DENND6B: variants seen among roughly 807,000 people sequenced by gnomAD.
The protein encoded by DENND6B is DENN domain containing 6B, also known as protein DENND6B.
A neutral mutation model predicts 85.1 loss-of-function variants in DENND6B; 73 were observed. The observed-to-expected ratio is 0.86, with a 90% CI of 0.71 to 1.04. The LOEUF (loss-of-function observed/expected upper bound fraction) is 1.04, where lower values mean the gene tolerates loss of function less well. Among genes scored for constraint, DENND6B ranks in the 50% least tolerant of loss-of-function variants. The pLI, the probability that DENND6B is intolerant of heterozygous loss-of-function variation, is 0.00. For synonymous variants in DENND6B, 357 were observed against 329.3 expected, an observed-to-expected ratio of 1.08 and a Z score of -0.91; for missense variants, 715 against 785.8, an observed-to-expected ratio of 0.91 and a Z score of 1.08.
At position 50,316,185 on chromosome 22, in the gene DENND6B, C is replaced by G. The variant is rs1485241907; in HGVS notation, c.628G>C (p.Val210Leu). ...GQTLNLPVMG[V>L]VVQVRIPSRV... Reference sequence around the variant, plus strand: ...CAGCTGGCTCTCACCTGGACAACAACGCCCATGACAGGTAGGTTCAGGGTC... The same window carrying G: ...CAGCTGGCTCTCACCTGGACAACAAGGCCCATGACAGGTAGGTTCAGGGTC... The change falls in exon 7 of 20, where the codon GTT becomes CTT. Residue 210 changes from valine to leucine, a missense_variant. Physicochemically the swap from Val to Leu is conservative, Grantham distance 32. Transcript: ENST00000413817. 1.2e-6 allele frequency: 2 copies of G among 1,612,344 alleles called. No homozygotes were observed. Among genetic ancestry groups the G allele is most frequent in the Admixed American group, 3.3e-5 (2 of 60,006 alleles).
chr22:50,316,771 C>T, intron 5 of DENND6B: 1 of 1,334,366 alleles, frequency 7.5e-7, no homozygotes, highest in Non-Finnish European at 9.8e-7. Flanking sequence ...AGGGGCTGAG[C>T]AGCTTTTACT....
At position 50,325,678 on chromosome 22, in the gene DENND6B, G is replaced by A. The variant is rs114777569; in HGVS notation, c.177+1134C>T. Among the ~76,000 whole-genome samples the A allele has an allele frequency of 4.7e-3, 708 of 152,230 alleles. 7 individuals are homozygous for A. The highest frequency in any genetic ancestry group is 0.016 in the African/African-American group (675 of 41,556). On this transcript the variant is annotated intron_variant, in intron 1 of 19. Coordinates refer to ENST00000413817, the MANE Select transcript of DENND6B (RefSeq NM_001001794.4). ...TTTGTGATTTTGTGGGGAACAATCTGGGCAACAGTATTGAACTAAGAAAGG... is the reference window on the plus strand; with the variant it reads ...TTTGTGATTTTGTGGGGAACAATCTAGGCAACAGTATTGAACTAAGAAAGG...
At chr22:50,319,668 G>A (rs951341607) in intron 1 of DENND6B, among the ~76,000 whole-genome samples, 6 of 152,148 alleles carry the variant, frequency 3.9e-5, no homozygotes, top group African/African-American at 7.2e-5. Flanking sequence ...CTCACCACCC[G>A]CCAAGCCAGA....
Position 50,317,634 on chromosome 22 carries a change from C to A in DENND6B, c.373-261G>T, listed in dbSNP as rs1472909132. Among the ~76,000 whole-genome samples the A allele has an allele frequency of 5.3e-5, 8 of 152,122 alleles. No individual in the cohort carries two copies. The East Asian group carries it at 1.5e-3, about 29-fold the overall frequency. On this transcript the variant is annotated intron_variant, in intron 4 of 19. Coordinates refer to ENST00000413817, the MANE Select transcript of DENND6B (RefSeq NM_001001794.4). ...GAGAGGGGCTCGGGGGGCTGGGGGC[C>A]CTGGGAGGGCCCCTGTTCAACTATG...
chr22:50,313,812 A>G lies in DENND6B; in HGVS notation c.1203+2T>C, dbSNP rs768440501. On this transcript the variant is annotated splice_donor_variant, in intron 14 of 19. Coordinates refer to ENST00000413817, the MANE Select transcript of DENND6B (RefSeq NM_001001794.4). LOFTEE classifies it high-confidence loss of function. ...CCAGCCCCTGCCCCACAAACCATAT[A>G]CCTTGAGCAGCCGTTTGAGCAGCGC... 17 of 1,611,052 alleles carry G rather than the reference A, an allele frequency of 1.1e-5. No homozygotes were observed. In the South Asian group the frequency reaches 1.6e-4, roughly 16 times the overall value.
chr22:50,314,900 A>G lies in DENND6B; in HGVS notation c.780T>C (p.Thr260=). 6.2e-7 allele frequency: 1 copy of G among 1,611,888 alleles called. No individual in the cohort carries two copies. The highest frequency in any genetic ancestry group is 2.2e-5 in the East Asian group (1 of 44,864). Residue 260 remains threonine (T), a synonymous_variant, in exon 10 of 20, where the codon ACT becomes ACC. Transcript: ENST00000413817. ...TGAGCTCCCACAGTGTCTGCATATG[A>G]GTCAGCACAGGCCGGAAGCACCTGG... is the stretch of plus-strand genomic sequence containing the variant. ...DLFRCFRPVL[T]HMQTLWELML...
chr22:50,319,129 C>T, intron 1 of DENND6B, 126 bp from the exon 2 acceptor site: 2 of 1,538,228 alleles, frequency 1.3e-6, no homozygotes, highest in East Asian at 2.4e-5. Context: ...CAGGTCAGTG[C>T]CCAAGGTGCT....
At chr22:50,321,653 C>T (rs1197064895) in intron 1 of DENND6B, among the ~76,000 whole-genome samples, 3 of 151,886 alleles carry the variant, frequency 2.0e-5, no homozygotes, top group South Asian at 2.1e-4. Context: ...TGAGCCACGG[C>T]GCCCAGCCCT....
At chr22:50,315,835 C>T (rs1405706140) in intron 8 of DENND6B, 66 bp from the exon 9 acceptor site, 3 of 1,478,660 alleles carry the variant, frequency 2.0e-6, no homozygotes, top group Non-Finnish European at 2.7e-6. Context: ...CCAAGCAGCC[C>T]CTGCCTCACA....
rs751205061 is a variant in DENND6B at position 50,314,504 on chromosome 22, C to G, written c.978-10G>C. The G allele has an allele frequency of 3.9e-6, 6 of 1,556,288 alleles. No homozygotes were observed. Among genetic ancestry groups the G allele is most frequent in the South Asian group, 2.4e-5 (2 of 84,508 alleles). On this transcript the variant is annotated splice_polypyrimidine_tract_variant and intron_variant, in intron 11 of 19. Coordinates refer to ENST00000413817, the MANE Select transcript of DENND6B (RefSeq NM_001001794.4). The stretch of plus-strand genomic sequence containing the variant: ...CAGGACCACGTTTGGTCTAGACAGA[C>G]AGAGAGAGAGAAGAGGCAGAGACAG...
Position 50,313,038 on chromosome 22 carries a change from A to G in DENND6B, c.1418T>C (p.Leu473Pro), listed in dbSNP as rs1467900208. The change falls in exon 17 of 20, where the codon CTC becomes CCC. Residue 473 changes from leucine to proline, a missense_variant. Coordinates refer to ENST00000413817, the MANE Select transcript of DENND6B (RefSeq NM_001001794.4). ...LRSLEHAGPQLTCILKGDWLG... is the reference protein window; with the variant it reads ...LRSLEHAGPQPTCILKGDWLG... The stretch of plus-strand genomic sequence containing the variant: ...CCAGTCGCCCTTGAGGATGCAGGTG[A>G]GCTGGGGCCCAGCATGCTCCAGGCT... 1.9e-6 allele frequency: 3 copies of G among 1,563,084 alleles called. No homozygotes were observed. The highest frequency in any genetic ancestry group is 2.6e-6 in the Non-Finnish European group (3 of 1,154,672).
rs2042205097 is a variant in DENND6B at position 50,326,908 on chromosome 22, C to T, written c.81G>A (p.Ala27=). 1.4e-6 allele frequency: 2 copies of T among 1,384,886 alleles called. No individual in the cohort carries two copies. The highest frequency in any genetic ancestry group is 1.9e-6 in the Non-Finnish European group (2 of 1,069,252). 85.8% of individuals were successfully genotyped at this position (1,384,886 alleles called of 1,614,324 possible). The change falls in exon 1 of 20, where the codon GCG becomes GCA. Residue 27 remains alanine, a synonymous_variant. Transcript: ENST00000413817. ...CCCAGGGCGCCGCCGGGGTCCGCGC[C>T]GCGCGACCTGAAGACGTGGGTCCAG... The part of the protein sequence containing the change: ...GAAGPTSSGR[A]ARTPAAPWAR...
At chr22:50,318,696 C>T (rs1291264013) in intron 3 of DENND6B, 151 bp downstream of exon 3, 2 of 1,119,262 alleles carry the variant, frequency 1.8e-6, no homozygotes, top group Non-Finnish European at 1.3e-6. Context: ...GCTCTGGGTG[C>T]CTCCACGGAG....
At chr22:50,320,478 C>A (rs1002058200) in intron 1 of DENND6B, among the ~76,000 whole-genome samples, 3 of 152,200 alleles carry the variant, frequency 2.0e-5, no homozygotes, top group African/African-American at 7.2e-5. Context: ...CTCTAAGGAC[C>A]CTGTCCTGGT....
At chr22:50,320,739 A>C (rs1000839053) in intron 1 of DENND6B, among the ~76,000 whole-genome samples, 2 of 152,148 alleles carry the variant, frequency 1.3e-5, no homozygotes, top group Non-Finnish European at 2.9e-5. Flanking sequence ...ATGTGTCTGC[A>C]CTGAGGAGAA....
chr22:50,316,773 G>A (rs2041834881), intron 5 of DENND6B: 4 of 1,327,354 alleles, frequency 3.0e-6, no homozygotes, highest in Non-Finnish European at 3.9e-6. Flanking sequence ...GGGCTGAGCA[G>A]CTTTTACTCT....
chr22:50,314,272 C>T lies in DENND6B; in HGVS notation c.1073G>A (p.Gly358Glu), dbSNP rs761231753. 2.9e-5 allele frequency: 47 copies of T among 1,609,320 alleles called. No homozygotes were observed. Among genetic ancestry groups the T allele is most frequent in the Non-Finnish European group, 3.7e-5 (44 of 1,179,006 alleles). Residue 358 changes from glycine to glutamate, a missense_variant and splice_region_variant, in exon 13 of 20, where the codon GGA (glycine) becomes GAA (glutamate). Coordinates refer to ENST00000413817, the MANE Select transcript of DENND6B (RefSeq NM_001001794.4). Reference protein sequence around the residue: ...ILRVGEPKMSGDLPKQVKLKK... With the variant: ...ILRVGEPKMSEDLPKQVKLKK... Reference sequence around the variant, plus strand: ...CAGCTTGACTTGCTTAGGCAGGTCTCCTACGAGACACGCCCGGTGGCCAGG... The same window carrying T: ...CAGCTTGACTTGCTTAGGCAGGTCTTCTACGAGACACGCCCGGTGGCCAGG...
Position 50,311,980 on chromosome 22 carries a change from C to T in DENND6B, c.*159G>A, listed in dbSNP as rs1180370565. On this transcript the variant is annotated 3_prime_UTR_variant, in exon 20 of 20. Coordinates refer to ENST00000413817, the MANE Select transcript of DENND6B (RefSeq NM_001001794.4). ...GGCCATGCTGTGGTTCCAAATGTCG[C>T]CTTTACTGCTGAGACAATGGTGGTG... is the stretch of plus-strand genomic sequence containing the variant. 7.9e-7 allele frequency: 1 copy of T among 1,258,666 alleles called. No homozygotes were observed. Among genetic ancestry groups the T allele is most frequent in the Admixed American group, 2.8e-5 (1 of 36,004 alleles). 78.0% of individuals were successfully genotyped at this position (1,258,666 alleles called of 1,614,324 possible).
chr22:50,317,253 C>G (rs766619960), intron 5 of DENND6B, 40 bp downstream of exon 5: 1 of 1,608,710 alleles, frequency 6.2e-7, no homozygotes, highest in Admixed American at 1.7e-5. Context: ...CAGCTCCTGC[C>G]GCTCTTGAGG....
Sources: allele counts gnomAD v4.1 joint callset (sites outside exome capture counted in the v4.1 genomes callset), GRCh38; gene constraint gnomAD v4.1.1; transcripts MANE v1.5; gene names NCBI Gene and HGNC (gene_info 2026-07-23, HGNC 2026-07-21).